DRD2: variants seen among roughly 807,000 people sequenced by gnomAD.
The protein encoded by DRD2 is dopamine receptor D2, also known as D(2) dopamine receptor.
DRD2 carries 8 observed loss-of-function variants against 38.0 expected under a neutral mutation model. The ratio of observed to expected loss-of-function variants is 0.21; its 90% CI spans 0.12 to 0.38. The LOEUF (loss-of-function observed/expected upper bound fraction) is 0.38. Among genes scored for constraint, DRD2 ranks in the 10% least tolerant of loss-of-function variants. The pLI, the probability that DRD2 is intolerant of heterozygous loss-of-function variation, is 1.00. For synonymous variants in DRD2, 230 were observed against 238.6 expected (o/e 0.96, Z 0.33); for missense variants, 403 against 607.7 (o/e 0.66, Z 3.54).
intron 1 of DRD2, among the ~76,000 whole-genome samples, chr11:113,439,367 T>C (rs895341978): frequency 5.3e-5 from 8 of 152,150 alleles, no homozygotes; most frequent in African/African-American, 1.9e-4. Context: ...TTCGTGGGGT[T>C]ATCATAAAGA....
intron 1 of DRD2, among the ~76,000 whole-genome samples, chr11:113,434,806 A>G (rs1951020857): frequency 6.6e-6 from 1 of 152,188 alleles, no homozygotes; most frequent in African/African-American, 2.4e-5. Context: ...GCCAGAGACT[A>G]CCAAGCATCC....
At chr11:113,419,895 C>T (rs962674687) in intron 2 of DRD2, among the ~76,000 whole-genome samples, 9 of 152,224 alleles carry the variant, frequency 5.9e-5, no homozygotes, top group African/African-American at 1.4e-4. Flanking sequence ...GCCTCTCATG[C>T]GGCACTGTCT....
Position 113,415,978 on chromosome 11 carries a change from C to T in DRD2, c.533-367G>A, listed in dbSNP as rs569342571. 8.5e-5 allele frequency among the ~76,000 whole-genome samples: 13 copies of T among 152,306 alleles called. No homozygotes were observed. The South Asian group carries it at 2.7e-3, about 32-fold the overall frequency. On this transcript the variant is annotated intron_variant, in intron 4 of 7. Coordinates refer to ENST00000362072, the MANE Select transcript of DRD2 (RefSeq NM_000795.4). ...TAAAAGAGTAAACCATCTTTTTAGT[C>T]TGACCTGTGTATTGGGAGAGGTTGG...
At chr11:113,469,531 C>T (rs566436655) in intron 1 of DRD2, among the ~76,000 whole-genome samples, 6 of 152,266 alleles carry the variant, frequency 3.9e-5, no homozygotes, top group Admixed American at 3.3e-4. Context: ...AACGTGTGAC[C>T]TTGTGCAAAC....
chr11:113,422,348 A>T (rs1430261735), intron 2 of DRD2, among the ~76,000 whole-genome samples: 2 of 152,164 alleles, frequency 1.3e-5, no homozygotes, highest in African/African-American at 4.8e-5. Flanking sequence ...ACATCAACTA[A>T]TTCGATCCTC....
intron 7 of DRD2, 66 bp from the exon 8 acceptor site, chr11:113,410,986 C>A: frequency 1.3e-6 from 2 of 1,535,136 alleles, no homozygotes; most frequent in Non-Finnish European, 1.8e-6. Flanking sequence ...AACACCCACA[C>A]CCAGTGCGCC....
chr11:113,447,072 G>A (rs982311331), intron 1 of DRD2, among the ~76,000 whole-genome samples: 2 of 152,110 alleles, frequency 1.3e-5, no homozygotes, highest in African/African-American at 4.8e-5. Context: ...GATGCCCTCA[G>A]GGAACTTGGG....
chr11:113,421,411 ACT>A (rs1309308642), intron 2 of DRD2, among the ~76,000 whole-genome samples: 1 of 152,032 alleles, frequency 6.6e-6, no homozygotes, highest in African/African-American at 2.4e-5. Flanking sequence ...TGAATGAATA[ACT>A]CTGAGATATT....
intron 1 of DRD2, among the ~76,000 whole-genome samples, chr11:113,468,897 T>C (rs1400521267): frequency 6.6e-6 from 1 of 152,200 alleles, no homozygotes; most frequent in Admixed American, 6.5e-5. Flanking sequence ...CCTGTGTCTG[T>C]CCAGGATCCC....
chr11:113,425,240 A>G (rs1950928755), intron 1 of DRD2, among the ~76,000 whole-genome samples: 1 of 152,240 alleles, frequency 6.6e-6, no homozygotes, highest in Non-Finnish European at 1.5e-5. Context: ...AACCTAGTTC[A>G]GGTATTCAGG....
chr11:113,447,884 C>A (rs1019035418), intron 1 of DRD2, among the ~76,000 whole-genome samples: 3 of 152,190 alleles, frequency 2.0e-5, no homozygotes, highest in South Asian at 2.1e-4. Flanking sequence ...TGCCATGATG[C>A]GATCTCCAGC....
intron 1 of DRD2, among the ~76,000 whole-genome samples, chr11:113,455,244 T>G (rs1951258363): frequency 1.3e-5 from 2 of 152,084 alleles, no homozygotes; most frequent in Admixed American, 1.3e-4. Flanking sequence ...ACGCCTGTAG[T>G]CCCAGCTACT....
rs755986714 is a variant in DRD2 at position 113,449,241 on chromosome 11, A to G, written c.-31-24559T>C. Among the ~76,000 whole-genome samples, 66 of 152,034 alleles carry G rather than the reference A, an allele frequency of 4.3e-4. No individual in the cohort carries two copies. In the Middle Eastern group the frequency reaches 0.01, roughly 24 times the overall value. On this transcript the variant is annotated intron_variant, in intron 1 of 7. Coordinates refer to ENST00000362072, the MANE Select transcript of DRD2 (RefSeq NM_000795.4). Reference sequence around the variant, plus strand: ...TCCAACTCTTCAAAGGGAAAAGCCCACCTCCTAGAATAGCCTTCCCTGAAC... The same window carrying G: ...TCCAACTCTTCAAAGGGAAAAGCCCGCCTCCTAGAATAGCCTTCCCTGAAC...
chr11:113,415,602 T>G lies in DRD2; in HGVS notation c.542A>C (p.Glu181Ala). 6.2e-7 allele frequency: 1 copy of G among 1,612,946 alleles called. No homozygotes were observed. Among genetic ancestry groups the G allele is most frequent in the Non-Finnish European group, 8.5e-7 (1 of 1,179,440 alleles). ...LFGLNNADQNECIIANPAFVV... is the reference protein window; with the variant it reads ...LFGLNNADQNACIIANPAFVV... ...GAAGGCCGGGTTGGCAATGATGCAC[T>G]CGTTCTGGTCTGGGGGAGGGAGAGC... The change falls in exon 5 of 8, where the codon GAG becomes GCG. Residue 181 changes from glutamate (E) to alanine (A), a missense_variant. By Grantham distance (107) the Glu-to-Ala change is moderately radical (BLOSUM62 -1). Transcript: ENST00000362072.
intron 1 of DRD2, among the ~76,000 whole-genome samples, chr11:113,447,023 G>C (rs17601612): frequency 0.27 from 41,258 of 152,204 alleles, 6,677 homozygotes; most frequent in Middle Eastern, 0.4. Context: ...CAGACAAGAA[G>C]AGGGCTGCAC....
chr11:113,466,019 C>T (rs1195368937), intron 1 of DRD2, among the ~76,000 whole-genome samples: 4 of 152,152 alleles, frequency 2.6e-5, no homozygotes, highest in African/African-American at 9.7e-5. Flanking sequence ...ATATAGTCAT[C>T]CTGTTTTATG....
intron 1 of DRD2, among the ~76,000 whole-genome samples, chr11:113,452,119 C>T (rs1315911794): frequency 6.6e-6 from 1 of 152,004 alleles, no homozygotes; most frequent in East Asian, 1.9e-4. Flanking sequence ...TCAAGTTCGG[C>T]CGTTGTGGTT....
At chr11:113,452,001 G>A (rs1468856792) in intron 1 of DRD2, among the ~76,000 whole-genome samples, 1 of 151,958 alleles carries the variant, frequency 6.6e-6, no homozygotes, top group Non-Finnish European at 1.5e-5. Flanking sequence ...CCCTCCTCTG[G>A]CCCCCTCCAG....
chr11:113,435,330 TGG>T (rs57125489), intron 1 of DRD2, among the ~76,000 whole-genome samples: 99 of 127,188 alleles, frequency 7.8e-4, no homozygotes, highest in African/African-American at 2.8e-3. Flanking sequence ...TGACTCAGTG[TGG>T]GGGGGGGTGG....
Sources: allele counts gnomAD v4.1 joint callset (sites outside exome capture counted in the v4.1 genomes callset), GRCh38; gene constraint gnomAD v4.1.1; transcripts MANE v1.5; gene names NCBI Gene and HGNC (gene_info 2026-07-23, HGNC 2026-07-21).